The following ST8SIA5 variants were observed in gnomAD, a reference collection of about 807,000 sequenced individuals.
The protein encoded by ST8SIA5 is ST8 alpha-N-acetyl-neuraminide alpha-2,8-sialyltransferase 5, also known as alpha-2,8-sialyltransferase 8E.
In ST8SIA5, 24 loss-of-function variants were observed where a neutral mutation model predicts 40.2. The ratio of observed to expected loss-of-function variants is 0.60; its 90% CI spans 0.43 to 0.84. The LOEUF is 0.84. Among genes scored for constraint, ST8SIA5 ranks in the 40% least tolerant of loss-of-function variants. The pLI, the probability that ST8SIA5 is intolerant of heterozygous loss-of-function variation, is 0.00. For missense variants in ST8SIA5, 465 were observed against 498.5 expected (o/e 0.93, Z 0.64); for synonymous variants, 198 against 201.8 (o/e 0.98, Z 0.16).
Position 46,680,072 on chromosome 18 carries a change from G to C in ST8SIA5, c.1101C>G (p.Arg367=), listed in dbSNP as rs1235250993. The change falls in exon 7 of 7, where the codon CGC becomes CGG. Residue 367 remains arginine (R), a synonymous_variant. Coordinates refer to ENST00000315087, the MANE Select transcript of ST8SIA5 (RefSeq NM_013305.6). ...FLHLHSRGIL[R]VHTGTCSCC ...AGCAGCTGCAGGTGCCCGTGTGCAC[G>C]CGGAGGATGCCTCGGCTGTGCAAGT... The C allele has an allele frequency of 1.9e-6, 3 of 1,612,522 alleles. No homozygotes were observed. Among genetic ancestry groups the C allele is most frequent in the Non-Finnish European group, 8.5e-7 (1 of 1,179,014 alleles).
Position 46,680,394 on chromosome 18 carries a change from C to A in ST8SIA5, c.779G>T (p.Arg260Leu), listed in dbSNP as rs2039379936. The A allele has an allele frequency of 8.7e-6, 14 of 1,613,818 alleles. No homozygotes were observed. Among genetic ancestry groups the A allele is most frequent in the Non-Finnish European group, 1.2e-5 (14 of 1,179,854 alleles). ...YNTRNTDVSI[R>L]VKYVLDDFES... ...GAAGTCGTCCAGCACGTACTTGACG[C>A]GGATGGACACGTCGGTGTTGCGCGT... Residue 260 changes from arginine to leucine, a missense_variant, in exon 7 of 7, where the codon CGC becomes CTC. By Grantham distance (102) the Arg-to-Leu change is moderately radical. Transcript: ENST00000315087.
intron 1 of ST8SIA5, chr18:46,731,549 G>A (rs1053354481): frequency 6.6e-6 from 1 of 152,266 alleles, no homozygotes; most frequent in Non-Finnish European, 1.5e-5. Context: ...TCAGTAGCCA[G>A]AGTGGCTGCA....
In ST8SIA5 at chr18:46,702,367, C is replaced by G. The variant is rs549719337; in HGVS notation, c.224+2205G>C. 4.1e-4 allele frequency among the ~76,000 whole-genome samples: 63 copies of G among 152,282 alleles called. 2 individuals carry two copies. In the South Asian group the frequency reaches 0.012, roughly 30 times the overall value. On this transcript the variant is annotated intron_variant, in intron 2 of 6. Coordinates refer to ENST00000315087, the MANE Select transcript of ST8SIA5 (RefSeq NM_013305.6). Reference sequence around the variant, plus strand: ...TTGGAGGCATGTTTAAAATACCAACCAGCTCACATGCCCCAGGCCCTGCTT... The same window carrying G: ...TTGGAGGCATGTTTAAAATACCAACGAGCTCACATGCCCCAGGCCCTGCTT...
intron 1 of ST8SIA5, chr18:46,730,300 A>G: frequency 1.0e-6 from 1 of 973,750 alleles, no homozygotes; most frequent in South Asian, 4.7e-5. Context: ...AACCTCTTGA[A>G]GTCTCAGTTT....
At chr18:46,740,864 C>T (rs1179537203) in intron 1 of ST8SIA5, among the ~76,000 whole-genome samples, 3 of 152,148 alleles carry the variant, frequency 2.0e-5, no homozygotes, top group Non-Finnish European at 2.9e-5. Context: ...GGACTAGTAA[C>T]TGGCACATCG....
intron 1 of ST8SIA5, among the ~76,000 whole-genome samples, chr18:46,708,263 G>A (rs533639837): frequency 1.2e-4 from 18 of 152,254 alleles, no homozygotes; most frequent in African/African-American, 3.9e-4. Flanking sequence ...TGAACAACTC[G>A]AAGTTTCTCA....
chr18:46,692,650 G>A (rs898588588), intron 2 of ST8SIA5, among the ~76,000 whole-genome samples: 3 of 152,014 alleles, frequency 2.0e-5, no homozygotes, highest in African/African-American at 7.3e-5. Context: ...GGATCCTTCC[G>A]CTTCGGTCTC....
At position 46,682,073 on chromosome 18, in the gene ST8SIA5, G is replaced by A; in HGVS notation, c.570-9C>T. On this transcript the variant is annotated splice_polypyrimidine_tract_variant and intron_variant, in intron 5 of 6. Coordinates refer to ENST00000315087, the MANE Select transcript of ST8SIA5 (RefSeq NM_013305.6). ...TGGGGGGCAGGTTGCACCTGCAGAA[G>A]AGAAAAGGCAGCCCAAGGTGGTTGG... 6.2e-7 allele frequency: 1 copy of A among 1,600,994 alleles called. No individual in the cohort carries two copies. Among genetic ancestry groups the A allele is most frequent in the Non-Finnish European group, 8.5e-7 (1 of 1,174,340 alleles).
chr18:46,733,487 C>T lies in ST8SIA5; in HGVS notation c.131+22891G>A, dbSNP rs373073246. On this transcript the variant is annotated intron_variant, in intron 1 of 6. Coordinates refer to ENST00000315087, the MANE Select transcript of ST8SIA5 (RefSeq NM_013305.6). ...CTCAACAGCGAGCAAGCCACCAAAG[C>T]CTTGCCCCAGTGACTCTTAATTTCT... is the stretch of plus-strand genomic sequence containing the variant. Among the ~76,000 whole-genome samples the T allele has an allele frequency of 2.0e-4, 30 of 152,276 alleles. No individual in the cohort carries two copies. The South Asian group carries it at 6.2e-3, about 32-fold the overall frequency.
Position 46,756,674 on chromosome 18 carries a change from G to C in ST8SIA5, c.-166C>G, listed in dbSNP as rs113359876. ...TTCTGGTTGGCGCGGCCGGAGCTGG[G>C]GGCATCCAAGCGTCGCAGGCGCTGG... On this transcript the variant is annotated 5_prime_UTR_variant, in exon 1 of 7. Transcript: ENST00000315087. 38,534 of 774,984 alleles carry C rather than the reference G, an allele frequency of 0.05. 1,015 individuals carry two copies. The highest frequency in any genetic ancestry group is 0.06 in the African/African-American group (3,253 of 53,822). The allele number at this position is 774,984 out of a possible 1,614,324, so 48.0% of individuals were successfully genotyped here.
intron 2 of ST8SIA5, among the ~76,000 whole-genome samples, chr18:46,702,480 C>G (rs1439853119): frequency 6.6e-6 from 1 of 152,232 alleles, no homozygotes. Flanking sequence ...TGGTCTGGCC[C>G]TACCTGACCC....
At chr18:46,740,453 A>G (rs905763216) in intron 1 of ST8SIA5, among the ~76,000 whole-genome samples, 9 of 152,358 alleles carry the variant, frequency 5.9e-5, no homozygotes, top group Non-Finnish European at 1.3e-4. Flanking sequence ...GAAGACAGAG[A>G]TTGTCAGACT....
intron 4 of ST8SIA5, among the ~76,000 whole-genome samples, 181 bp downstream of exon 4, chr18:46,688,594 C>T (rs1376465642): frequency 6.6e-6 from 1 of 152,222 alleles, no homozygotes; most frequent in Non-Finnish European, 1.5e-5. Context: ...TCAGACAGAA[C>T]CCCCAAAGAA....
intron 1 of ST8SIA5, among the ~76,000 whole-genome samples, chr18:46,728,496 T>C (rs1225317747): frequency 6.6e-6 from 1 of 152,210 alleles, no homozygotes; most frequent in Non-Finnish European, 1.5e-5. Flanking sequence ...CAAAAGAGGC[T>C]GAATCTATGG....
intron 1 of ST8SIA5, among the ~76,000 whole-genome samples, chr18:46,706,184 T>C (rs556087512): frequency 3.9e-5 from 6 of 152,178 alleles, no homozygotes; most frequent in African/African-American, 1.4e-4. Context: ...TTTTAAGATA[T>C]TAAAATATTT....
At chr18:46,705,573 T>G (rs370407547) in intron 1 of ST8SIA5, among the ~76,000 whole-genome samples, 14 of 152,376 alleles carry the variant, frequency 9.2e-5, no homozygotes, top group African/African-American at 3.4e-4. Context: ...GACTCAAGGC[T>G]GCTCTTTCTG....
intron 1 of ST8SIA5, among the ~76,000 whole-genome samples, chr18:46,711,329 G>A (rs2144512034): frequency 6.6e-6 from 1 of 152,290 alleles, no homozygotes; most frequent in East Asian, 1.9e-4. Flanking sequence ...ATAGCCCTAT[G>A]AGGCAAGCAT....
chr18:46,687,579 G>A (rs1262257857), intron 4 of ST8SIA5, among the ~76,000 whole-genome samples: 3 of 152,132 alleles, frequency 2.0e-5, no homozygotes, highest in African/African-American at 7.2e-5. Context: ...CCTCATAAAG[G>A]TGGCTCAGCA....
intron 1 of ST8SIA5, among the ~76,000 whole-genome samples, chr18:46,721,700 G>A (rs1448813370): frequency 6.6e-6 from 1 of 152,116 alleles, no homozygotes; most frequent in Non-Finnish European, 1.5e-5. Context: ...TACCAGCAGG[G>A]CTGAGAGCAC....
Sources: gnomAD v4.1 joint callset for allele counts (sites outside exome capture counted in the v4.1 genomes callset) on GRCh38, gnomAD v4.1.1 for gene constraint, MANE v1.5 for transcripts, NCBI Gene and HGNC (gene_info 2026-07-23, HGNC 2026-07-21) for gene names.